CAMTA1: variants seen among roughly 807,000 people sequenced by gnomAD.
The protein encoded by CAMTA1 is calmodulin binding transcription activator 1.
A neutral mutation model predicts 170.9 loss-of-function variants in CAMTA1; 27 were observed. The ratio of observed to expected loss-of-function variants is 0.16; its 90% CI spans 0.12 to 0.22. CAMTA1 has a LOEUF of 0.22. CAMTA1 is among the 10% of genes least tolerant of loss of function. The pLI is 1.00. For missense variants in CAMTA1, 1,619 were observed against 2,217.2 expected, an observed-to-expected ratio of 0.73 and a Z score of 5.42; for synonymous variants, 833 against 891.5, an observed-to-expected ratio of 0.93 and a Z score of 1.17.
chr1:6,950,014 A>T (rs1688208668), intron 3 of CAMTA1, among the ~76,000 whole-genome samples: 1 of 152,254 alleles, frequency 6.6e-6, no homozygotes, highest in Admixed American at 6.5e-5. Flanking sequence ...CGTGTGCCTG[A>T]TTCCAGGCCC....
At position 6,965,214 on chromosome 1, in the gene CAMTA1, T is replaced by G. The variant is rs531720428; in HGVS notation, c.235-126090T>G. Among the ~76,000 whole-genome samples the G allele has an allele frequency of 3.3e-5, 5 of 152,268 alleles. No homozygotes were observed. In the South Asian group the frequency reaches 1.0e-3, roughly 32 times the overall value. On this transcript the variant is annotated intron_variant, in intron 3 of 22. Coordinates refer to ENST00000303635, the MANE Select transcript of CAMTA1 (RefSeq NM_015215.4). The surrounding 1 kb of genome is among the most constrained non-coding windows in gnomAD (Gnocchi z 4.1). ...GCATGAGTGTGTGTGTATGACTTTGTGTGCTTGTGTGTGTCTGTGCATGTG... is the reference window on the plus strand; with the variant it reads ...GCATGAGTGTGTGTGTATGACTTTGGGTGCTTGTGTGTGTCTGTGCATGTG...
intron 5 of CAMTA1, among the ~76,000 whole-genome samples, chr1:7,276,305 T>TATATATATATA (rs1558345669): frequency 1.3e-3 from 27 of 20,118 alleles, no homozygotes; most frequent in African/African-American, 4.4e-3. Context: ...ATATATATAT[T>TATATATATATA]TTTTTTTTTT....
chr1:7,202,499 A>C (rs969948355), intron 4 of CAMTA1, among the ~76,000 whole-genome samples: 1 of 152,198 alleles, frequency 6.6e-6, no homozygotes, highest in Non-Finnish European at 1.5e-5. Flanking sequence ...TAACGATGTT[A>C]AGTTTTCTGA....
rs1775049 is a variant in CAMTA1 at position 7,463,846 on chromosome 1, T to C, written c.439-3984T>C. Among the ~76,000 whole-genome samples the C allele has an allele frequency of 0.41, 62,846 of 152,102 alleles. 13,356 individuals are homozygous for C. Among genetic ancestry groups the C allele is most frequent in the Middle Eastern group, 0.48 (141 of 294 alleles). ...GCCCTCTTTGGTGTGGGACCCCCAC[T>C]GCGTTTGAGGGGGCTCTGCGGCCAT... On this transcript the variant is annotated intron_variant, in intron 5 of 22. Coordinates refer to ENST00000303635, the MANE Select transcript of CAMTA1 (RefSeq NM_015215.4). The surrounding 1 kb of genome is among the most constrained non-coding windows in gnomAD (Gnocchi z 4.7).
intron 5 of CAMTA1, among the ~76,000 whole-genome samples, chr1:7,466,705 C>A (rs1380825604): frequency 6.6e-6 from 1 of 152,150 alleles, no homozygotes; most frequent in Admixed American, 6.5e-5. Flanking sequence ...CTCTATGCCC[C>A]ACCCCTTCTA....
chr1:7,703,774 G>A (rs1277697284), intron 11 of CAMTA1, among the ~76,000 whole-genome samples: 1 of 152,200 alleles, frequency 6.6e-6, no homozygotes, highest in Non-Finnish European at 1.5e-5. Flanking sequence ...GTGCGAGGCC[G>A]TGGGACTGCA....
At position 7,641,212 on chromosome 1, in the gene CAMTA1, T is replaced by C. The variant is rs909466410; in HGVS notation, c.664+659T>C. On this transcript the variant is annotated intron_variant, in intron 7 of 22. Transcript: ENST00000303635. The surrounding 1 kb of genome is among the most constrained non-coding windows in gnomAD (Gnocchi z 4.5). The stretch of plus-strand genomic sequence containing the variant: ...GCTCTCAGTGGCTTCTCCTGCCCCC[T>C]GTTCAGCGGGGCTCGGGAAAAACAA... Among the ~76,000 whole-genome samples the C allele has an allele frequency of 6.6e-6, 1 of 152,210 alleles. No homozygotes were observed. The highest frequency in any genetic ancestry group is 2.4e-5 in the African/African-American group (1 of 41,458).
rs1345692438 is a variant in CAMTA1, at chr1:6,918,294, A to T, written c.234+93084A>T. Among the ~76,000 whole-genome samples the T allele has an allele frequency of 6.6e-6, 1 of 152,166 alleles. No homozygotes were observed. Among genetic ancestry groups the T allele is most frequent in the African/African-American group, 2.4e-5 (1 of 41,434 alleles). On this transcript the variant is annotated intron_variant, in intron 3 of 22. Coordinates refer to ENST00000303635, the MANE Select transcript of CAMTA1 (RefSeq NM_015215.4). This position sits in a 1 kb window ranked among gnomAD's most constrained non-coding sequence, Gnocchi z 4.0. ...AATAATATTTTTTTAATCTAAAAGA[A>T]CTTTACATTTATGCTTGACTGAAGC... is the stretch of plus-strand genomic sequence containing the variant.
At chr1:7,690,023 G>A (rs1300156664) in intron 11 of CAMTA1, among the ~76,000 whole-genome samples, 1 of 152,146 alleles carries the variant, frequency 6.6e-6, no homozygotes, top group Non-Finnish European at 1.5e-5. Context: ...GCCAGGCGTG[G>A]TGGCAGGCGC....
At chr1:7,346,379 A>G (rs2084219412) in intron 5 of CAMTA1, among the ~76,000 whole-genome samples, 2 of 152,178 alleles carry the variant, frequency 1.3e-5, no homozygotes, top group South Asian at 4.1e-4. Flanking sequence ...TGGATCTGTG[A>G]CGAAGGCATT....
At position 7,634,241 on chromosome 1, in the gene CAMTA1, G is replaced by C. The variant is rs1312477083; in HGVS notation, c.511-6159G>C. On this transcript the variant is annotated intron_variant, in intron 6 of 22. Coordinates refer to ENST00000303635, the MANE Select transcript of CAMTA1 (RefSeq NM_015215.4). This position sits in a 1 kb window ranked among gnomAD's most constrained non-coding sequence, Gnocchi z 6.2. Reference sequence around the variant, plus strand: ...CAGACTTGGTCATTGCAGGCAGGGGGTATATGGGAGGATTAGGCTTCCTGG... The same window carrying C: ...CAGACTTGGTCATTGCAGGCAGGGGCTATATGGGAGGATTAGGCTTCCTGG... 2.6e-5 allele frequency among the ~76,000 whole-genome samples: 4 copies of C among 152,180 alleles called. No homozygotes were observed. Among genetic ancestry groups the C allele is most frequent in the Admixed American group, 1.3e-4 (2 of 15,278 alleles).
intron 4 of CAMTA1, among the ~76,000 whole-genome samples, chr1:7,169,255 T>C (rs1385170132): frequency 6.6e-6 from 1 of 152,196 alleles, no homozygotes; most frequent in East Asian, 1.9e-4. Flanking sequence ...TCTTTTCTCA[T>C]GATATTCTTG....
intron 11 of CAMTA1, among the ~76,000 whole-genome samples, chr1:7,704,471 C>T (rs1342795250): frequency 1.4e-5 from 2 of 146,300 alleles, no homozygotes; most frequent in East Asian, 4.0e-4. Flanking sequence ...GGGCCCGGCT[C>T]TCGCGCGGGG....
intron 6 of CAMTA1, among the ~76,000 whole-genome samples, chr1:7,510,157 C>T (rs2094184538): frequency 1.5e-5 from 2 of 135,834 alleles, no homozygotes; most frequent in African/African-American, 5.2e-5. Context: ...CGAGATAACA[C>T]TCCCCGTTTT....
chr1:7,258,702 G>A (rs1249011327), intron 5 of CAMTA1, among the ~76,000 whole-genome samples: 4 of 152,194 alleles, frequency 2.6e-5, no homozygotes, highest in Non-Finnish European at 5.9e-5. Flanking sequence ...GCCATCACTT[G>A]ACTGAATCAT....
intron 3 of CAMTA1, among the ~76,000 whole-genome samples, chr1:6,992,827 C>A (rs1180941504): frequency 6.6e-6 from 1 of 152,212 alleles, no homozygotes; most frequent in East Asian, 1.9e-4. Context: ...TCCTGCAACA[C>A]TGGGGATTAC....
rs1557720066 is a variant in CAMTA1 at position 7,441,689 on chromosome 1, C to A, written c.439-26141C>A. On this transcript the variant is annotated intron_variant, in intron 5 of 22. Coordinates refer to ENST00000303635, the MANE Select transcript of CAMTA1 (RefSeq NM_015215.4). ...ACGGCTTCAAGGTTGAGTTGGCTAA[C>A]AACTCGAGCCAAGGCCCAGAGGTGG... 1.3e-5 allele frequency: 2 copies of A among 152,176 alleles called. 1 individual carries two copies. 9.4% of individuals were successfully genotyped at this position (152,176 alleles called of 1,614,324 possible). A position where few individuals can be genotyped will look rare whatever the true frequency, so the allele number is the denominator to read the frequency against.
intron 11 of CAMTA1, among the ~76,000 whole-genome samples, chr1:7,704,218 C>T (rs1029860801): frequency 6.1e-5 from 9 of 147,394 alleles, no homozygotes; most frequent in African/African-American, 2.0e-4. Flanking sequence ...GAACGCGGGC[C>T]CTCGGCGCGG....
intron 1 of CAMTA1, among the ~76,000 whole-genome samples, chr1:6,798,871 C>A (rs577744329): frequency 1.3e-5 from 2 of 152,064 alleles, no homozygotes; most frequent in East Asian, 3.9e-4. Context: ...GCTCGGATTA[C>A]AGACGTTAGC....
Sources: gnomAD v4.1 joint callset for allele counts (sites outside exome capture counted in the v4.1 genomes callset) on GRCh38, gnomAD v4.1.1 for gene constraint, Gnocchi (gnomAD v3.1) non-coding constraint, MANE v1.5 for transcripts, NCBI Gene and HGNC (gene_info 2026-07-23, HGNC 2026-07-21) for gene names.